TLL1: variants seen among roughly 807,000 people sequenced by gnomAD.
TLL1 encodes tolloid like 1.
TLL1 carries 49 observed loss-of-function variants against 128.2 expected under a neutral mutation model. The observed-to-expected ratio is 0.38, with a 90% confidence interval of 0.30 to 0.48. The LOEUF (loss-of-function observed/expected upper bound fraction) is 0.48, where lower values mean the gene tolerates loss of function less well. Among genes scored for constraint, TLL1 ranks in the 20% least tolerant of loss-of-function variants. The pLI, the probability that TLL1 is intolerant of heterozygous loss-of-function variation, is 0.96. For synonymous variants in TLL1, 454 were observed against 418.8 expected (o/e 1.08, Z -1.03); for missense variants, 1,123 against 1,242.0 (o/e 0.90, Z 1.44).
chr4:165,989,610 A>T, intron 2 of TLL1, 119 bp downstream of exon 2: 1 of 701,390 alleles, frequency 1.4e-6, no homozygotes, highest in African/African-American at 1.8e-5. Context: ...CTTCCTATAC[A>T]CAAATATACA....
At chr4:165,895,633 T>TAA (rs57920393) in intron 1 of TLL1, among the ~76,000 whole-genome samples, 3,885 of 68,150 alleles carry the variant, frequency 0.057, 404 homozygotes, top group East Asian at 0.097. Flanking sequence ...AGACTTTTTG[T>TAA]AAAAAAAAAA....
rs1332544698 is a variant in TLL1 at position 166,091,426 on chromosome 4, A to G, written c.2656+85A>G. The stretch of plus-strand genomic sequence containing the variant: ...GAATTTGGTTCAATAATAGGATTGT[A>G]AATAAATCTCCAAGCATAGCAGATA... On this transcript the variant is annotated intron_variant, in intron 19 of 20. Coordinates refer to ENST00000061240, the MANE Select transcript of TLL1 (RefSeq NM_012464.5). The G allele has an allele frequency of 3.5e-6, 4 of 1,155,268 alleles. No homozygotes were observed. In the Admixed American group the frequency reaches 8.2e-5, roughly 24 times the overall value. The allele number at this position is 1,155,268 out of a possible 1,614,324, so 71.6% of individuals were successfully genotyped here.
intron 8 of TLL1, among the ~76,000 whole-genome samples, chr4:166,021,710 C>T (rs904993407): frequency 2.0e-5 from 3 of 152,262 alleles, no homozygotes; most frequent in Admixed American, 6.5e-5. Flanking sequence ...GGATTACAGG[C>T]GTAAGCCACC....
intron 15 of TLL1, among the ~76,000 whole-genome samples, chr4:166,063,383 A>G (rs2111122497): frequency 6.6e-6 from 1 of 152,306 alleles, no homozygotes; most frequent in Middle Eastern, 3.4e-3. Context: ...ACACTTTTAC[A>G]CTGTTGGTGG....
At chr4:166,072,693 T>A (rs1253523581) in intron 16 of TLL1, among the ~76,000 whole-genome samples, 1 of 152,048 alleles carries the variant, frequency 6.6e-6, no homozygotes, top group East Asian at 1.9e-4. Context: ...GTTTTGGAAT[T>A]ATTTTTATTA....
At chr4:165,925,996 G>A (rs553709085) in intron 1 of TLL1, among the ~76,000 whole-genome samples, 1 of 152,242 alleles carries the variant, frequency 6.6e-6, no homozygotes, top group East Asian at 1.9e-4. Flanking sequence ...ATAGACTACA[G>A]CGTAGTATAA....
At chr4:166,077,319 T>C (rs1741079761) in intron 17 of TLL1, among the ~76,000 whole-genome samples, 1 of 152,182 alleles carries the variant, frequency 6.6e-6, no homozygotes, top group South Asian at 2.1e-4. Context: ...CTAGTAGCTG[T>C]TCATTTATCA....
chr4:165,900,640 C>T lies in TLL1; in HGVS notation c.169+26567C>T, dbSNP rs28830841. Among the ~76,000 whole-genome samples, 1,123 of 151,812 alleles carry T rather than the reference C, an allele frequency of 7.4e-3. 21 individuals carry two copies. The highest frequency in any genetic ancestry group is 0.026 in the African/African-American group (1,081 of 41,512). On this transcript the variant is annotated intron_variant, in intron 1 of 20. Coordinates refer to ENST00000061240, the MANE Select transcript of TLL1 (RefSeq NM_012464.5). ...GATGGACTTCCCTTTGCGGATAACCCGATCTTTCTCTCTTGCTGCCCTTAA... is the reference window on the plus strand; with the variant it reads ...GATGGACTTCCCTTTGCGGATAACCTGATCTTTCTCTCTTGCTGCCCTTAA...
chr4:166,018,708 C>T (rs986828153), intron 8 of TLL1, among the ~76,000 whole-genome samples: 1 of 151,928 alleles, frequency 6.6e-6, no homozygotes, highest in Non-Finnish European at 1.5e-5. Flanking sequence ...AAAAAATGCT[C>T]ATCATTGCTA....
intron 1 of TLL1, among the ~76,000 whole-genome samples, chr4:165,902,093 C>T (rs934834201): frequency 1.3e-5 from 2 of 152,084 alleles, no homozygotes; most frequent in Admixed American, 1.3e-4. Flanking sequence ...TGCCCCTCCC[C>T]CCACGAAGCT....
chr4:166,089,132 C>T (rs1307579426), intron 18 of TLL1, among the ~76,000 whole-genome samples: 1 of 152,140 alleles, frequency 6.6e-6, no homozygotes, highest in Admixed American at 6.6e-5. Context: ...ACTTGCTCAA[C>T]ATGCAGTGGT....
chr4:165,973,362 C>T (rs965304563), intron 1 of TLL1, among the ~76,000 whole-genome samples: 2 of 151,776 alleles, frequency 1.3e-5, no homozygotes, highest in Non-Finnish European at 2.9e-5. Context: ...AGCACCATCC[C>T]AGGATGGTGC....
At chr4:165,939,896 C>A (rs1450895599) in intron 1 of TLL1, among the ~76,000 whole-genome samples, 4 of 152,014 alleles carry the variant, frequency 2.6e-5, no homozygotes, top group Non-Finnish European at 5.9e-5. Context: ...TAAACTGCAG[C>A]CTTTTGTAGC....
At chr4:166,044,111 T>G (rs1418886844) in intron 12 of TLL1, among the ~76,000 whole-genome samples, 1 of 152,108 alleles carries the variant, frequency 6.6e-6, no homozygotes, top group African/African-American at 2.4e-5. Context: ...TATGTTTAAA[T>G]CAGAGTTGGT....
intron 1 of TLL1, among the ~76,000 whole-genome samples, chr4:165,900,413 C>G (rs1055494165): frequency 3.9e-5 from 6 of 152,024 alleles, no homozygotes; most frequent in Non-Finnish European, 7.4e-5. Flanking sequence ...TTCAGGAGCT[C>G]TTGTAAGGCA....
chr4:165,898,327 T>C (rs1731784690), intron 1 of TLL1, among the ~76,000 whole-genome samples: 1 of 152,262 alleles, frequency 6.6e-6, no homozygotes, highest in South Asian at 2.1e-4. Flanking sequence ...AGGGAATGCT[T>C]CTAGCTTTTG....
At chr4:165,963,944 A>G (rs1735246535) in intron 1 of TLL1, among the ~76,000 whole-genome samples, 1 of 152,288 alleles carries the variant, frequency 6.6e-6, no homozygotes, top group Admixed American at 6.5e-5. Context: ...GTGTTAAACC[A>G]TATCTTTATG....
intron 6 of TLL1, 69 bp from the exon 7 acceptor site, chr4:166,007,874 G>A (rs983547186): frequency 2.1e-6 from 2 of 972,608 alleles, no homozygotes; most frequent in Non-Finnish European, 3.3e-6. Context: ...GCAGGTGTAG[G>A]AAAGGCCTTC....
At chr4:165,904,906 G>T (rs1373288032) in intron 1 of TLL1, among the ~76,000 whole-genome samples, 1 of 152,120 alleles carries the variant, frequency 6.6e-6, no homozygotes, top group Non-Finnish European at 1.5e-5. Context: ...ATAAGCACAT[G>T]GAAATAAGCT....
Sources: allele counts gnomAD v4.1 joint callset (sites outside exome capture counted in the v4.1 genomes callset), GRCh38; gene constraint gnomAD v4.1.1; transcripts MANE v1.5; gene names NCBI Gene and HGNC (gene_info 2026-07-23, HGNC 2026-07-21).